Variants in CDH8 observed in about 807,000 individuals in gnomAD.
CDH8 encodes the protein cadherin-8.
Under a neutral mutation model 68.1 loss-of-function variants are expected in CDH8, and 17 were observed. The ratio of observed to expected loss-of-function variants is 0.25; its 90% CI spans 0.17 to 0.37. CDH8 has a LOEUF of 0.37. Among genes scored for constraint, CDH8 ranks in the 10% least tolerant of loss-of-function variants. The probability of loss-of-function intolerance (pLI) is 1.00; values close to 1 mark genes in which losing one functional copy is unlikely to be tolerated. For missense variants in CDH8, 763 were observed against 999.3 expected (o/e 0.76, Z 3.19); for synonymous variants, 372 against 365.1 (o/e 1.02, Z -0.21).
chr16:61,798,593 G>A (rs1404154121), intron 7 of CDH8, among the ~76,000 whole-genome samples: 10 of 152,120 alleles, frequency 6.6e-5, no homozygotes, highest in Middle Eastern at 3.2e-3. Context: ...AGCACAGGTC[G>A]AAACTGAGGT....
chr16:61,704,047 G>C lies in CDH8; in HGVS notation c.1654+9794C>G, dbSNP rs551973560. On this transcript the variant is annotated intron_variant, in intron 10 of 11. Coordinates refer to ENST00000577390, the MANE Select transcript of CDH8 (RefSeq NM_001796.5). ...TCAAGCAAGGTCTTATGATCATACG[G>C]CCTATGTATTTACAGAAAATACTTC... is the stretch of plus-strand genomic sequence containing the variant. Among the ~76,000 whole-genome samples, 4 of 152,124 alleles carry C rather than the reference G, an allele frequency of 2.6e-5. No homozygotes were observed. The South Asian group carries it at 8.3e-4, about 32-fold the overall frequency.
intron 7 of CDH8, among the ~76,000 whole-genome samples, chr16:61,796,829 C>A (rs1485358870): frequency 6.6e-6 from 1 of 151,992 alleles, no homozygotes; most frequent in Non-Finnish European, 1.5e-5. Flanking sequence ...CAGACACAAG[C>A]CAATGTCACC....
At chr16:62,010,857 C>T (rs952465069) in intron 2 of CDH8, among the ~76,000 whole-genome samples, 46 of 151,678 alleles carry the variant, frequency 3.0e-4, no homozygotes, top group African/African-American at 1.1e-3. Flanking sequence ...GCAGGAGATG[C>T]GCTTGAACCC....
chr16:61,739,151 G>C (rs544177134), intron 8 of CDH8, among the ~76,000 whole-genome samples: 2 of 151,922 alleles, frequency 1.3e-5, no homozygotes, highest in Non-Finnish European at 2.9e-5. Context: ...CCCCCTAATT[G>C]TTTCAAATAG....
At chr16:62,015,947 AGTCT>A (rs973710137) in intron 2 of CDH8, among the ~76,000 whole-genome samples, 1 of 152,162 alleles carries the variant, frequency 6.6e-6, no homozygotes, top group African/African-American at 2.4e-5. Context: ...TTAGCAACCC[AGTCT>A]ATCTTAACTT....
intron 3 of CDH8, among the ~76,000 whole-genome samples, chr16:61,892,195 T>C (rs1963790222): frequency 6.6e-6 from 1 of 152,192 alleles, no homozygotes; most frequent in African/African-American, 2.4e-5. Flanking sequence ...AATTCACTTT[T>C]TAGAAAGTGC....
chr16:61,693,758 C>T (rs1964277263), intron 10 of CDH8: 2 of 152,094 alleles, frequency 1.3e-5, no homozygotes, highest in South Asian at 4.1e-4. Flanking sequence ...TAAAATTAAA[C>T]CACCTTCATT....
intron 10 of CDH8, among the ~76,000 whole-genome samples, chr16:61,711,033 A>T (rs1478016484): frequency 6.6e-6 from 1 of 151,912 alleles, no homozygotes; most frequent in African/African-American, 2.4e-5. Context: ...ATGTGGTATA[A>T]AAGGTTCACT....
chr16:61,699,820 C>A (rs1360101501), intron 10 of CDH8, among the ~76,000 whole-genome samples: 6 of 152,198 alleles, frequency 3.9e-5, no homozygotes, highest in Non-Finnish European at 1.5e-5. Flanking sequence ...AGGTGATCTG[C>A]CTGCCTCGGC....
intron 2 of CDH8, among the ~76,000 whole-genome samples, chr16:61,944,735 A>T (rs1845714676): frequency 6.6e-6 from 1 of 152,146 alleles, no homozygotes; most frequent in African/African-American, 2.4e-5. Context: ...TGAGGCCAGG[A>T]TTTTCACACC....
At chr16:61,750,698 A>C (rs1446993087) in intron 8 of CDH8, among the ~76,000 whole-genome samples, 1 of 152,164 alleles carries the variant, frequency 6.6e-6, no homozygotes, top group East Asian at 1.9e-4. Context: ...ACAAAAAATA[A>C]AACCCTCAAA....
chr16:61,909,083 C>A (rs1053215397), intron 2 of CDH8, among the ~76,000 whole-genome samples: 12 of 151,982 alleles, frequency 7.9e-5, no homozygotes, highest in African/African-American at 2.9e-4. Context: ...CTGGAAATAA[C>A]CTCTGCTCTA....
At chr16:61,665,830 TTCCC>T (rs1336576120) in intron 10 of CDH8, among the ~76,000 whole-genome samples, 49 of 137,022 alleles carry the variant, frequency 3.6e-4, no homozygotes, top group African/African-American at 9.7e-4. Context: ...CCTTCTCTCC[TTCCC>T]TCCCTCCCTC....
chr16:62,013,081 C>T, intron 2 of CDH8, among the ~76,000 whole-genome samples: 1 of 47,590 alleles, frequency 2.1e-5, no homozygotes, highest in African/African-American at 7.0e-5. Flanking sequence ...GGTGAAACCC[C>T]GTCTCTACTA....
intron 2 of CDH8, among the ~76,000 whole-genome samples, chr16:62,011,406 A>G (rs1386950068): frequency 1.3e-5 from 2 of 152,172 alleles, no homozygotes; most frequent in African/African-American, 4.8e-5. Context: ...TCAGCCCACC[A>G]TGTTCATCAC....
At chr16:61,753,257 T>A (rs1166833317) in intron 8 of CDH8, among the ~76,000 whole-genome samples, 1 of 151,546 alleles carries the variant, frequency 6.6e-6, no homozygotes, top group Non-Finnish European at 1.5e-5. Flanking sequence ...TTTTTTTAAT[T>A]GAGATATGGT....
chr16:61,718,782 C>G (rs1485065558), intron 9 of CDH8, among the ~76,000 whole-genome samples: 1 of 150,882 alleles, frequency 6.6e-6, no homozygotes, highest in Non-Finnish European at 1.5e-5. Flanking sequence ...GGGGAAAGGT[C>G]GTAGCTTTTA....
chr16:61,656,547 T>C (rs1009368780), intron 10 of CDH8, among the ~76,000 whole-genome samples: 1 of 152,128 alleles, frequency 6.6e-6, no homozygotes, highest in African/African-American at 2.4e-5. Context: ...GCCTAGAGCA[T>C]TCACATTAAG....
intron 8 of CDH8, among the ~76,000 whole-genome samples, chr16:61,734,881 A>C (rs1178088765): frequency 6.6e-6 from 1 of 152,126 alleles, no homozygotes; most frequent in Non-Finnish European, 1.5e-5. Context: ...CCTTAAAGAC[A>C]TAGAAATGTA....
Sources: allele counts gnomAD v4.1 joint callset (sites outside exome capture counted in the v4.1 genomes callset), GRCh38; gene constraint gnomAD v4.1.1; transcripts MANE v1.5; gene names NCBI Gene and HGNC (gene_info 2026-07-23, HGNC 2026-07-21).